EPHX2: variants seen among roughly 807,000 people sequenced by gnomAD.
EPHX2 encodes bifunctional epoxide hydrolase 2.
EPHX2 carries 74 observed loss-of-function variants against 78.7 expected under a neutral mutation model. The ratio of observed to expected loss-of-function variants is 0.94; its 90% CI spans 0.78 to 1.14. The LOEUF (loss-of-function observed/expected upper bound fraction) is 1.14, where lower values mean the gene tolerates loss of function less well. Ranked by LOEUF, EPHX2 falls within the 50% of genes most tolerant of loss-of-function variation. EPHX2 has a pLI of 0.00. For missense variants in EPHX2, 715 were observed against 702.5 expected (o/e 1.02, Z -0.20); for synonymous variants, 251 against 255.2 (o/e 0.98, Z 0.16).
At chr8:27,500,267 C>G (rs1813715351) in intron 1 of EPHX2, among the ~76,000 whole-genome samples, 1 of 152,124 alleles carries the variant, frequency 6.6e-6, no homozygotes, top group Non-Finnish European at 1.5e-5. Context: ...CTCTCTTCCT[C>G]CTGCTCCAAC....
At chr8:27,528,775 C>G (rs759108107) in intron 12 of EPHX2, among the ~76,000 whole-genome samples, 106 of 152,206 alleles carry the variant, frequency 7.0e-4, no homozygotes, top group Non-Finnish European at 1.1e-3. Context: ...GTGGGTGCAC[C>G]CGTCTCCCCC....
chr8:27,525,101 TGTGTGTGCGC>T (rs1304376565), intron 11 of EPHX2, among the ~76,000 whole-genome samples: 29 of 130,762 alleles, frequency 2.2e-4, no homozygotes, highest in African/African-American at 8.0e-4. Context: ...TGTGTGTGTG[TGTGTGTGCGC>T]GCGCGCGCGC....
At position 27,518,606 on chromosome 8, in the gene EPHX2, A is replaced by G. The variant is rs533225669; in HGVS notation, c.945+534A>G. Among the ~76,000 whole-genome samples, 4 of 152,336 alleles carry G rather than the reference A, an allele frequency of 2.6e-5. No homozygotes were observed. The South Asian group carries it at 8.3e-4, about 32-fold the overall frequency. ...CTCCACGCAGCTCAGGAGCAAAAGC[A>G]AAAGCTGGGGGAGCCCAGGGGAGGA... is the stretch of plus-strand genomic sequence containing the variant. On this transcript the variant is annotated intron_variant, in intron 9 of 18. Transcript: ENST00000521400.
chr8:27,503,026 AGGT>A (rs1813858135), intron 2 of EPHX2, among the ~76,000 whole-genome samples: 1 of 152,078 alleles, frequency 6.6e-6, no homozygotes, highest in Non-Finnish European at 1.5e-5. Flanking sequence ...TGTTATTAAG[AGGT>A]GGGGCCTTCA....
intron 12 of EPHX2, among the ~76,000 whole-genome samples, chr8:27,532,114 G>T (rs80263879): frequency 6.6e-6 from 1 of 152,050 alleles, no homozygotes; most frequent in Non-Finnish European, 1.5e-5. Flanking sequence ...CCCACCCTGC[G>T]GTTGGCACAC....
rs759707628 is a variant in EPHX2, at chr8:27,505,015, C to G, written c.406C>G (p.Leu136Val). ...WLDDRAERDG[L>V]AQLMCELKMH... ...GGACGACCGTGCTGAGAGAGATGGC[C>G]TGGCCCAGCTGATGTGTGAGCTGAA... The change falls in exon 4 of 19, where the codon CTG becomes GTG. Residue 136 changes from leucine (L) to valine (V), a missense_variant. Physicochemically the swap from Leu to Val is conservative, Grantham distance 32. Transcript: ENST00000521400. 39 of 1,614,028 alleles carry G rather than the reference C, an allele frequency of 2.4e-5. No individual in the cohort carries two copies. Among genetic ancestry groups the G allele is most frequent in the Admixed American group, 5.0e-5 (3 of 59,992 alleles).
rs1348307025 is a variant in EPHX2, at chr8:27,504,976, A to G, written c.367A>G (p.Thr123Ala). 6.2e-7 allele frequency: 1 copy of G among 1,614,058 alleles called. No individual in the cohort carries two copies. Among genetic ancestry groups the G allele is most frequent in the South Asian group, 1.1e-5 (1 of 91,070 alleles). The change falls in exon 4 of 19, where the codon ACC becomes GCC. Residue 123 changes from threonine to alanine, a missense_variant. Transcript: ENST00000521400. ...CTCAGGATTCACTACTGCCATCCTC[A>G]CCAACACCTGGCTGGACGACCGTGC... The part of the protein sequence containing the change: ...RKKGFTTAIL[T>A]NTWLDDRAER...
chr8:27,538,103 A>T (rs1351356962), intron 13 of EPHX2, among the ~76,000 whole-genome samples: 2 of 152,202 alleles, frequency 1.3e-5, no homozygotes, highest in Non-Finnish European at 2.9e-5. Flanking sequence ...ACTCAAATCC[A>T]AGCACTTGGG....
At chr8:27,518,499 G>T (rs1312696932) in intron 9 of EPHX2, among the ~76,000 whole-genome samples, 1 of 152,214 alleles carries the variant, frequency 6.6e-6, no homozygotes, top group East Asian at 1.9e-4. Flanking sequence ...ACAGGTGTAA[G>T]CACCATCCTG....
chr8:27,545,525 A>AC lies in EPHX2; in HGVS notation c.*1008dup, dbSNP rs1467616474. On this transcript the variant is annotated 3_prime_UTR_variant, in exon 19 of 19. Coordinates refer to ENST00000521400, the MANE Select transcript of EPHX2 (RefSeq NM_001979.6). Reference sequence around the variant, plus strand: ...GGGCCTCCCCCAACTGCCCCTGCCCACCCCCAGCCCGGCCCCATCACCCTC... The same window carrying AC: ...GGGCCTCCCCCAACTGCCCCTGCCCACCCCCCAGCCCGGCCCCATCACCCTC... 3.8e-5 allele frequency: 3 copies of AC among 78,638 alleles called. No individual in the cohort carries two copies. Among genetic ancestry groups the AC allele is most frequent in the African/African-American group, 1.4e-4 (3 of 20,842 alleles). The allele number at this position is 78,638 out of a possible 1,614,324, so 4.9% of individuals were successfully genotyped here.
intron 16 of EPHX2, among the ~76,000 whole-genome samples, chr8:27,542,986 C>A (rs1441122940): frequency 2.0e-5 from 3 of 149,974 alleles, no homozygotes; most frequent in African/African-American, 7.5e-5. Context: ...TCCTCCCCCA[C>A]CTCCTCCCAT....
chr8:27,515,918 A>T, intron 7 of EPHX2, 105 bp downstream of exon 7: 2 of 983,620 alleles, frequency 2.0e-6, no homozygotes, highest in Non-Finnish European at 1.6e-6. Flanking sequence ...CTGACAGTGG[A>T]GCATTGTCTC....
At chr8:27,503,330 G>A (rs367910810) in intron 2 of EPHX2, among the ~76,000 whole-genome samples, 5 of 152,294 alleles carry the variant, frequency 3.3e-5, no homozygotes, top group African/African-American at 1.2e-4. Context: ...CTTAGGAATA[G>A]CACTGCTATG....
In EPHX2 at chr8:27,538,669, C is replaced by A. The variant is rs777190035; in HGVS notation, c.1253C>A (p.Ser418Tyr). 3 of 1,613,346 alleles carry A rather than the reference C, an allele frequency of 1.9e-6. No individual in the cohort carries two copies. In the South Asian group the frequency reaches 3.3e-5, roughly 18 times the overall value. ...CTTTTCTTCCTTCAGAGTGTTTTAT[C>A]CATGCATAAAGTCTGTGAAGCGGGT... ...LFRASDESVL[S>Y]MHKVCEAGGL... is the part of the protein sequence containing the mutation. Residue 418 changes from serine (S) to tyrosine (Y), a missense_variant, in exon 14 of 19, where the codon TCC becomes TAC. By Grantham distance (144) the Ser-to-Tyr change is moderately radical (BLOSUM62 -2). Coordinates refer to ENST00000521400, the MANE Select transcript of EPHX2 (RefSeq NM_001979.6).
intron 3 of EPHX2, among the ~76,000 whole-genome samples, chr8:27,504,740 G>A (rs1797931894): frequency 1.3e-5 from 2 of 152,176 alleles, no homozygotes; most frequent in Admixed American, 1.3e-4. Context: ...GCTTCTGAGG[G>A]CCTTGAATGA....
At chr8:27,525,279 G>A in intron 11 of EPHX2, 83 bp from the exon 12 acceptor site, 1 of 1,267,596 alleles carries the variant, frequency 7.9e-7, no homozygotes, top group Non-Finnish European at 1.2e-6. Context: ...CTGAGCTTCA[G>A]TTTTGAACTG....
At chr8:27,505,506 G>A (rs1813969796) in intron 4 of EPHX2, among the ~76,000 whole-genome samples, 1 of 152,188 alleles carries the variant, frequency 6.6e-6, no homozygotes, top group Non-Finnish European at 1.5e-5. Flanking sequence ...GGTGAGTGAG[G>A]ACAGGCTCCG....
chr8:27,541,200 C>A (rs576109603), intron 15 of EPHX2, among the ~76,000 whole-genome samples: 1 of 152,280 alleles, frequency 6.6e-6, no homozygotes, highest in East Asian at 1.9e-4. Context: ...CCTGGAGGGT[C>A]CTGTAGGGCC....
chr8:27,544,343 C>T, intron 18 of EPHX2, 99 bp downstream of exon 18: 2 of 1,594,330 alleles, frequency 1.3e-6, no homozygotes, highest in Non-Finnish European at 1.7e-6. Flanking sequence ...TTTGGCCTGG[C>T]TTAGCCACTC....
Sources: gnomAD v4.1 joint callset for allele counts (sites outside exome capture counted in the v4.1 genomes callset) on GRCh38, gnomAD v4.1.1 for gene constraint, MANE v1.5 for transcripts, NCBI Gene and HGNC (gene_info 2026-07-23, HGNC 2026-07-21) for gene names.